Variants in CDH23 observed in about 807,000 individuals in gnomAD.
The protein encoded by CDH23 is cadherin related 23, also known as cadherin-23.
A neutral mutation model predicts 317.1 loss-of-function variants in CDH23; 189 were observed. That is an observed-to-expected ratio of 0.60 (90% confidence interval 0.53 to 0.67). The LOEUF (loss-of-function observed/expected upper bound fraction) is 0.67. Ranked by LOEUF, CDH23 falls within the 30% of genes least tolerant of loss-of-function variation. CDH23 has a pLI of 0.00. For synonymous variants in CDH23, 1,839 were observed against 1,876.8 expected, an observed-to-expected ratio of 0.98 and a Z score of 0.52; for missense variants, 4,401 against 4,592.4, an observed-to-expected ratio of 0.96 and a Z score of 1.20.
intron 1 of CDH23, among the ~76,000 whole-genome samples, chr10:71,425,771 T>C (rs1488968766): frequency 6.6e-6 from 1 of 152,214 alleles, no homozygotes; most frequent in African/African-American, 2.4e-5. Flanking sequence ...TCAGTGCCCC[T>C]ATCTGTGAAA....
At chr10:71,563,836 C>T (rs1328814208) in intron 6 of CDH23, among the ~76,000 whole-genome samples, 2 of 151,706 alleles carry the variant, frequency 1.3e-5, no homozygotes, top group Non-Finnish European at 1.5e-5. Flanking sequence ...GCTACCTCCG[C>T]CTCCTGGGTT....
At chr10:71,435,108 A>G (rs34964037) in intron 1 of CDH23, among the ~76,000 whole-genome samples, 54,837 of 152,064 alleles carry the variant, frequency 0.36, 12,289 homozygotes, top group East Asian at 0.51. Flanking sequence ...TGAGGCTGGG[A>G]GCCTGGCCAT....
chr10:71,719,215 G>A (rs900210332), intron 28 of CDH23, among the ~76,000 whole-genome samples: 21 of 152,158 alleles, frequency 1.4e-4, no homozygotes, highest in African/African-American at 4.1e-4. Flanking sequence ...CAGCTGCCAG[G>A]CCCCTTGACA....
At position 71,695,409 on chromosome 10, in the gene CDH23, G is replaced by A. The variant is rs1404148272; in HGVS notation, c.2290-9G>A. The A allele has an allele frequency of 6.3e-7, 1 of 1,597,680 alleles. No individual in the cohort carries two copies. Among genetic ancestry groups the A allele is most frequent in the Non-Finnish European group, 8.6e-7 (1 of 1,164,834 alleles). ...GGTGTGTCTCCCAGCGCCCCTTATG[G>A]CTTCACAGGTAAACATCACCCTCCT... is the stretch of plus-strand genomic sequence containing the variant. On this transcript the variant is annotated splice_polypyrimidine_tract_variant and intron_variant, in intron 21 of 69. Coordinates refer to ENST00000224721, the MANE Select transcript of CDH23 (RefSeq NM_022124.6).
chr10:71,726,255 A>T (rs930567344), intron 30 of CDH23, among the ~76,000 whole-genome samples: 1 of 152,052 alleles, frequency 6.6e-6, no homozygotes, highest in Non-Finnish European at 1.5e-5. Flanking sequence ...CAGACCCCAG[A>T]CATCAGGAGT....
At chr10:71,550,370 A>AATT (rs1856511007) in intron 6 of CDH23, among the ~76,000 whole-genome samples, 1 of 152,014 alleles carries the variant, frequency 6.6e-6, no homozygotes, top group Non-Finnish European at 1.5e-5. Context: ...TGGGCAACAT[A>AATT]TCAAGAGCCC....
At chr10:71,755,522 G>A (rs1840118430) in intron 38 of CDH23, 2 of 1,503,000 alleles carry the variant, frequency 1.3e-6, no homozygotes, top group Non-Finnish European at 1.8e-6. Context: ...CTCCTCCTGA[G>A]CATAAACTGA....
intron 17 of CDH23, among the ~76,000 whole-genome samples, chr10:71,680,700 G>A (rs1410434227): frequency 7.4e-6 from 1 of 135,976 alleles, no homozygotes; most frequent in Non-Finnish European, 1.5e-5. Flanking sequence ...GGGAGCCCAG[G>A]TTGCACCACT....
intron 2 of CDH23, among the ~76,000 whole-genome samples, chr10:71,443,636 C>T (rs549653113): frequency 1.3e-5 from 2 of 152,334 alleles, no homozygotes; most frequent in Admixed American, 1.3e-4. Context: ...AGCCACAGAC[C>T]CACAATGGGG....
chr10:71,770,436 G>A (rs1840660065), intron 38 of CDH23, among the ~76,000 whole-genome samples: 1 of 147,458 alleles, frequency 6.8e-6, no homozygotes, highest in South Asian at 2.2e-4. Context: ...GCAAGGGGCT[G>A]TACGGAAGCC....
In CDH23 at chr10:71,784,394, C is replaced by T. The variant is rs753656026; in HGVS notation, c.5476C>T (p.Arg1826Trp). The T allele has an allele frequency of 1.9e-6, 3 of 1,613,716 alleles. No individual in the cohort carries two copies. The highest frequency in any genetic ancestry group is 1.1e-5 in the South Asian group (1 of 91,064). ...CAACCTGACCATCTGTGCCCGTGAC[C>T]GGGGGATGCCCCCACTCAGCTCCAC... Reference protein sequence around the residue: ...FYNLTICARDRGMPPLSSTML... With the variant: ...FYNLTICARDWGMPPLSSTML... The change falls in exon 42 of 70, where the codon CGG (arginine) becomes TGG (tryptophan). Residue 1826 changes from arginine (R) to tryptophan (W), a missense_variant. Transcript: ENST00000224721.
intron 9 of CDH23, among the ~76,000 whole-genome samples, chr10:71,582,708 C>T (rs555765937): frequency 9.4e-4 from 143 of 152,320 alleles, no homozygotes; most frequent in Non-Finnish European, 1.7e-3. Context: ...CACCTGATCT[C>T]GTAGCTAAGG....
chr10:71,811,242 CAGG>C, intron 62 of CDH23, 70 bp from the exon 63 acceptor site: 1 of 1,606,676 alleles, frequency 6.2e-7, no homozygotes, highest in South Asian at 1.1e-5. Context: ...AGGCTTGAGG[CAGG>C]AGCAGAGCAG....
intron 3 of CDH23, among the ~76,000 whole-genome samples, chr10:71,506,369 T>G (rs140787607): frequency 8.3e-4 from 127 of 152,322 alleles, no homozygotes; most frequent in African/African-American, 2.8e-3. Flanking sequence ...TTTAAATGGT[T>G]GAAGAGGTAA....
chr10:71,761,765 T>C, intron 38 of CDH23: 1 of 1,614,188 alleles, frequency 6.2e-7, no homozygotes, highest in Non-Finnish European at 8.5e-7. Context: ...CCCGTGGCGC[T>C]GAGCCAGGTC....
rs200910729 is a variant in CDH23 at position 71,404,810 on chromosome 10, T to C, written c.-6+7492T>C. On this transcript the variant is annotated intron_variant, in intron 1 of 69. Transcript: ENST00000224721. ...GTGTCTTCCTGGAGATGCATCTTCC[T>C]TGAGGCAGGCGGTTAGCGATATCAC... 1.1e-4 allele frequency among the ~76,000 whole-genome samples: 17 copies of C among 152,368 alleles called. No homozygotes were observed. In the East Asian group the frequency reaches 2.9e-3, roughly 26 times the overall value.
rs143020453 is a variant in CDH23, at chr10:71,752,985, G to A, written c.4845+11064G>A. On this transcript the variant is annotated intron_variant, in intron 38 of 69. Coordinates refer to ENST00000224721, the MANE Select transcript of CDH23 (RefSeq NM_022124.6). ...CTCCATGGGCCTTACCTGTCCATCC[G>A]CACCAGCTCCTGGGCACCTAGGGAC... The A allele has an allele frequency of 2.0e-4, 330 of 1,612,692 alleles. 2 individuals are homozygous for A. In the Middle Eastern group the frequency reaches 2.1e-3, roughly 10 times the overall value.
chr10:71,797,186 C>T lies in CDH23; in HGVS notation c.6795C>T (p.Ser2265=), dbSNP rs751113848. ...EVTLSVIDNA[S]DLPERSVSVP... The stretch of plus-strand genomic sequence containing the variant: ...CTCTCTCAGTGATTGACAATGCCAG[C>T]GACCTACCAGAGCGCTCTGTCAGTG... The change falls in exon 49 of 70, where the codon AGC becomes AGT. Residue 2265 remains serine, a synonymous_variant. Coordinates refer to ENST00000224721, the MANE Select transcript of CDH23 (RefSeq NM_022124.6). 20 of 1,613,100 alleles carry T rather than the reference C, an allele frequency of 1.2e-5. No individual in the cohort carries two copies. Among genetic ancestry groups the T allele is most frequent in the African/African-American group, 4.0e-5 (3 of 74,894 alleles).
chr10:71,771,102 C>A (rs1840673680), intron 38 of CDH23, among the ~76,000 whole-genome samples: 1 of 152,162 alleles, frequency 6.6e-6, no homozygotes, highest in Non-Finnish European at 1.5e-5. Flanking sequence ...GTGCTAGTCC[C>A]AGAGGTTGGG....
Sources: gnomAD v4.1 joint callset for allele counts (sites outside exome capture counted in the v4.1 genomes callset) on GRCh38, gnomAD v4.1.1 for gene constraint, MANE v1.5 for transcripts, NCBI Gene and HGNC (gene_info 2026-07-23, HGNC 2026-07-21) for gene names.